CDIP1: variants seen among roughly 807,000 people sequenced by gnomAD.
CDIP1 encodes the protein cell death inducing p53 target 1.
A neutral mutation model predicts 17.7 loss-of-function variants in CDIP1; 9 were observed. The ratio of observed to expected loss-of-function variants is 0.51; its 90% confidence interval spans 0.31 to 0.89. The LOEUF (loss-of-function observed/expected upper bound fraction) is 0.89. Ranked by LOEUF, CDIP1 falls within the 40% of genes least tolerant of loss-of-function variation. CDIP1 has a pLI of 0.05. For synonymous variants in CDIP1, 117 were observed against 109.5 expected, an observed-to-expected ratio of 1.07 and a Z score of -0.43; for missense variants, 263 against 277.9, an observed-to-expected ratio of 0.95 and a Z score of 0.38.
At position 4,513,611 on chromosome 16, in the gene CDIP1, G is replaced by T; in HGVS notation, c.241+85C>A. On this transcript the variant is annotated intron_variant, in intron 4 of 5. Coordinates refer to ENST00000567695, the MANE Select transcript of CDIP1 (RefSeq NM_013399.3). This position sits in a 1 kb window ranked among gnomAD's most constrained non-coding sequence, Gnocchi z 4.1. ...TTGGAGTCCCTGCCCTACAGCAGAT[G>T]CCCACCTGTACTGAGGACAGCCAGC... 8.3e-7 allele frequency: 1 copy of T among 1,211,010 alleles called. No individual in the cohort carries two copies. The highest frequency in any genetic ancestry group is 1.2e-6 in the Non-Finnish European group (1 of 841,596). 75.0% of individuals were successfully genotyped at this position (1,211,010 alleles called of 1,614,324 possible). A position where few individuals can be genotyped will look rare whatever the true frequency, so the allele number is the denominator to read the frequency against.
chr16:4,531,250 G>A lies in CDIP1; in HGVS notation c.-105+7452C>T, dbSNP rs1177572863. On this transcript the variant is annotated intron_variant, in intron 1 of 5. Coordinates refer to ENST00000567695, the MANE Select transcript of CDIP1 (RefSeq NM_013399.3). ...TCACCGTGTTAGCCAGGATGGTCTC[G>A]ATCTCCCGACCTCGTGATCCGCCTA... 9.2e-5 allele frequency among the ~76,000 whole-genome samples: 14 copies of A among 151,960 alleles called. No individual in the cohort carries two copies. The South Asian group carries it at 1.2e-3, about 14-fold the overall frequency.
At chr16:4,517,948 C>T (rs1277271011) in intron 1 of CDIP1, among the ~76,000 whole-genome samples, 1 of 152,198 alleles carries the variant, frequency 6.6e-6, no homozygotes, top group Non-Finnish European at 1.5e-5. Context: ...GCTACAAACT[C>T]CCAGACTCCC....
intron 1 of CDIP1, among the ~76,000 whole-genome samples, chr16:4,531,168 A>G (rs989651513): frequency 6.6e-6 from 1 of 151,968 alleles, no homozygotes; most frequent in African/African-American, 2.4e-5. Context: ...AGCTGGGACT[A>G]CAGGCGCCTG....
chr16:4,512,649 TG>T lies in CDIP1; in HGVS notation c.549del (p.Ile184SerfsTer7). 6.2e-7 allele frequency: 1 copy of T among 1,614,000 alleles called. No individual in the cohort carries two copies. Among genetic ancestry groups the T allele is most frequent in the South Asian group, 1.1e-5 (1 of 91,078 alleles). ...TGCGTCACATCCTTGAAGTCATTGA[TG>T]AGGCAGGGGATCAGGCAGCAGCCCA... ...CDLGCCLIPC[L>X]INDFKDVTHT... On this transcript the variant is annotated frameshift_variant, in exon 6 of 6. Coordinates refer to ENST00000567695, the MANE Select transcript of CDIP1 (RefSeq NM_013399.3). LOFTEE classifies it high-confidence loss of function. The surrounding 1 kb of genome is among the most constrained non-coding windows in gnomAD (Gnocchi z 4.6).
intron 1 of CDIP1, among the ~76,000 whole-genome samples, chr16:4,537,288 TAA>T (rs1179196829): frequency 1.3e-5 from 2 of 152,248 alleles, no homozygotes; most frequent in Non-Finnish European, 2.9e-5. Context: ...GTGTTCACTG[TAA>T]AATTCCTTCA....
chr16:4,513,649 G>C lies in CDIP1; in HGVS notation c.241+47C>G. 1 of 1,561,628 alleles carries C rather than the reference G, an allele frequency of 6.4e-7. No homozygotes were observed. Among genetic ancestry groups the C allele is most frequent in the Non-Finnish European group, 8.8e-7 (1 of 1,140,706 alleles). On this transcript the variant is annotated intron_variant, in intron 4 of 5. Coordinates refer to ENST00000567695, the MANE Select transcript of CDIP1 (RefSeq NM_013399.3). The surrounding 1 kb of genome is among the most constrained non-coding windows in gnomAD (Gnocchi z 4.1). ...GAGGACAGCCAGCGCAGGCCAGACA[G>C]CAGCCAGGAGTTCCCCATGCTCCCC...
intron 1 of CDIP1, among the ~76,000 whole-genome samples, chr16:4,531,656 G>C (rs1039526630): frequency 6.6e-6 from 1 of 152,198 alleles, no homozygotes; most frequent in South Asian, 2.1e-4. Context: ...TGGCTGCCCC[G>C]GGCACCCCAG....
chr16:4,528,259 G>A (rs1157745612), intron 1 of CDIP1, among the ~76,000 whole-genome samples: 1 of 151,910 alleles, frequency 6.6e-6, no homozygotes, highest in Non-Finnish European at 1.5e-5. Context: ...TTTCCTTTTT[G>A]TGGAGAACAG....
chr16:4,521,680 T>C (rs922778056), intron 1 of CDIP1, among the ~76,000 whole-genome samples: 1 of 126,568 alleles, frequency 7.9e-6, no homozygotes. Flanking sequence ...CTGGACAACA[T>C]GGCAAGACGT....
Position 4,513,861 on chromosome 16 carries a change from G to A in CDIP1, c.86-10C>T. ...GCTGGGGAGGAACGGCCTGGACAGA[G>A]AGAGGCAGAAAGAGGAGACTGAGCT... is the stretch of plus-strand genomic sequence containing the variant. On this transcript the variant is annotated splice_polypyrimidine_tract_variant and intron_variant, in intron 3 of 5. Coordinates refer to ENST00000567695, the MANE Select transcript of CDIP1 (RefSeq NM_013399.3). This position sits in a 1 kb window ranked among gnomAD's most constrained non-coding sequence, Gnocchi z 4.1. 1.3e-6 allele frequency: 2 copies of A among 1,553,948 alleles called. No homozygotes were observed. The highest frequency in any genetic ancestry group is 1.7e-6 in the Non-Finnish European group (2 of 1,152,412).
intron 1 of CDIP1, among the ~76,000 whole-genome samples, chr16:4,529,846 C>T (rs142054986): frequency 1.1e-4 from 16 of 152,368 alleles, no homozygotes; most frequent in East Asian, 3.9e-4. Flanking sequence ...TGGCCACTCA[C>T]GGCCACCCAG....
intron 1 of CDIP1, among the ~76,000 whole-genome samples, chr16:4,529,803 A>C (rs1450204292): frequency 6.6e-6 from 1 of 152,168 alleles, no homozygotes; most frequent in Non-Finnish European, 1.5e-5. Context: ...ACCTACAAAA[A>C]AGCACCAGGC....
In CDIP1 at chr16:4,517,889, G is replaced by A. The variant is rs975415396; in HGVS notation, c.-104-3225C>T. ...CAGCCTTTCATGGGGCTTTACCTGC[G>A]TCTGGAAAACTGCTCCAATACGTTG... is the stretch of plus-strand genomic sequence containing the variant. On this transcript the variant is annotated intron_variant, in intron 1 of 5. Coordinates refer to ENST00000567695, the MANE Select transcript of CDIP1 (RefSeq NM_013399.3). Among the ~76,000 whole-genome samples, 15 of 152,250 alleles carry A rather than the reference G, an allele frequency of 9.9e-5. No homozygotes were observed. The East Asian group carries it at 1.4e-3, about 14-fold the overall frequency.
Position 4,513,942 on chromosome 16 carries a change from G to T in CDIP1, c.86-91C>A. On this transcript the variant is annotated intron_variant, in intron 3 of 5. Transcript: ENST00000567695. The surrounding 1 kb of genome is among the most constrained non-coding windows in gnomAD (Gnocchi z 4.1). ...GCCACTGTTTTGGGACACAGATGGG[G>T]CCCAGGGGTAACCCTGGAGTGGGCA... The T allele has an allele frequency of 7.3e-7, 1 of 1,377,210 alleles. No homozygotes were observed. Among genetic ancestry groups the T allele is most frequent in the Non-Finnish European group, 9.9e-7 (1 of 1,014,838 alleles). The allele number at this position is 1,377,210 out of a possible 1,614,324, so 85.3% of individuals were successfully genotyped here.
At chr16:4,517,072 A>G (rs2058895794) in intron 1 of CDIP1, among the ~76,000 whole-genome samples, 1 of 152,200 alleles carries the variant, frequency 6.6e-6, no homozygotes, top group African/African-American at 2.4e-5. Context: ...ATGAAATACA[A>G]GAGAACACCT....
intron 1 of CDIP1, among the ~76,000 whole-genome samples, chr16:4,530,215 C>T (rs2059040981): frequency 6.6e-6 from 1 of 152,218 alleles, no homozygotes; most frequent in Non-Finnish European, 1.5e-5. Flanking sequence ...TTTTACACTA[C>T]ATTAGATGCA....
At chr16:4,538,172 G>T (rs913056815) in intron 1 of CDIP1, among the ~76,000 whole-genome samples, 2 of 152,154 alleles carry the variant, frequency 1.3e-5, no homozygotes, top group South Asian at 4.1e-4. Context: ...TGCCATTCCG[G>T]GCGCACAACC....
Position 4,513,938 on chromosome 16 carries a change from T to C in CDIP1, c.86-87A>G, listed in dbSNP as rs1368407524. The C allele has an allele frequency of 2.1e-6, 3 of 1,411,588 alleles. No homozygotes were observed. The highest frequency in any genetic ancestry group is 2.9e-5 in the African/African-American group (2 of 68,694). 87.4% of individuals were successfully genotyped at this position (1,411,588 alleles called of 1,614,324 possible). On this transcript the variant is annotated intron_variant, in intron 3 of 5. Coordinates refer to ENST00000567695, the MANE Select transcript of CDIP1 (RefSeq NM_013399.3). This position sits in a 1 kb window ranked among gnomAD's most constrained non-coding sequence, Gnocchi z 4.1. ...AGAGGCCACTGTTTTGGGACACAGA[T>C]GGGGCCCAGGGGTAACCCTGGAGTG...
At position 4,514,291 on chromosome 16, in the gene CDIP1, T is replaced by C; in HGVS notation, c.-14-147A>G. ...TCCAGGCACTGGGGATCCCCCACCT[T>C]TCCCAGGGCCACCTAGCCCAGAGCC... is the stretch of plus-strand genomic sequence containing the variant. On this transcript the variant is annotated intron_variant, in intron 2 of 5. Transcript: ENST00000567695. This position sits in a 1 kb window ranked among gnomAD's most constrained non-coding sequence, Gnocchi z 5.2. 2 of 560,764 alleles carry C rather than the reference T, an allele frequency of 3.6e-6. No individual in the cohort carries two copies. Among genetic ancestry groups the C allele is most frequent in the Non-Finnish European group, 6.3e-6 (2 of 316,540 alleles). The allele number at this position is 560,764 out of a possible 1,614,324, so 34.7% of individuals were successfully genotyped here.
Sources: allele counts gnomAD v4.1 joint callset (sites outside exome capture counted in the v4.1 genomes callset), GRCh38; gene constraint gnomAD v4.1.1; non-coding constraint Gnocchi (gnomAD v3.1); transcripts MANE v1.5; gene names NCBI Gene and HGNC (gene_info 2026-07-23, HGNC 2026-07-21).